Variants in P3H1 observed in about 807,000 individuals in gnomAD.
P3H1 encodes the protein prolyl 3-hydroxylase 1, also known as growth suppressor 1.
P3H1 carries 69 observed loss-of-function variants against 84.0 expected under a neutral mutation model. The ratio of observed to expected loss-of-function variants is 0.82; its 90% CI spans 0.68 to 1.00. P3H1 has a LOEUF of 1.00. P3H1 is among the 50% of genes least tolerant of loss of function. The pLI is 0.00. For synonymous variants in P3H1, 366 were observed against 388.8 expected (o/e 0.94, Z 0.69); for missense variants, 878 against 962.8 (o/e 0.91, Z 1.17).
chr1:42,759,736 T>C (rs1240011749), intron 2 of P3H1, among the ~76,000 whole-genome samples: 1 of 150,220 alleles, frequency 6.7e-6, no homozygotes, highest in Non-Finnish European at 1.5e-5. Flanking sequence ...TGGGATTACA[T>C]TGTGCCCAGC....
chr1:42,760,133 C>T (rs534799986), intron 2 of P3H1: 220 of 152,356 alleles, frequency 1.4e-3, no homozygotes, highest in East Asian at 5.0e-3. Context: ...TACAGGTATG[C>T]GCCACCACGC....
chr1:42,764,202 T>C (rs1411853211), intron 1 of P3H1, among the ~76,000 whole-genome samples: 6 of 151,844 alleles, frequency 4.0e-5, no homozygotes, highest in Non-Finnish European at 8.8e-5. Flanking sequence ...GGCAGGTGGA[T>C]CACAAGGTCA....
rs1259845189 is a variant in P3H1 at position 42,746,846 on chromosome 1, C to A, written c.2062G>T (p.Val688Leu). The A allele has an allele frequency of 6.2e-7, 1 of 1,613,912 alleles. No homozygotes were observed. Among genetic ancestry groups the A allele is most frequent in the South Asian group, 1.1e-5 (1 of 91,018 alleles). ...ATCTTCACCAGGTCATCTGCCTGCA[C>A]CCTGTCCTGCAAGGACAAACCCCTG... ...LDPRHSERDR[V>L]QADDLVKMLF... Residue 688 changes from valine (V) to leucine (L), a missense_variant, in exon 15 of 15, where the codon GTG becomes TTG. Coordinates refer to ENST00000296388, the MANE Select transcript of P3H1 (RefSeq NM_022356.4).
At chr1:42,751,064 G>A (rs1484824938) in intron 10 of P3H1, among the ~76,000 whole-genome samples, 2 of 129,146 alleles carry the variant, frequency 1.5e-5, no homozygotes, top group African/African-American at 3.0e-5. Context: ...CCGTCTGGGA[G>A]GTGTGCCCAG....
At chr1:42,748,809 A>T (rs2124085509) in intron 11 of P3H1, 1 of 255,310 alleles carries the variant, frequency 3.9e-6, no homozygotes, top group Non-Finnish European at 7.8e-6. Context: ...CCATGCAGGG[A>T]GAAGGTCACG....
chr1:42,762,526 C>A, intron 1 of P3H1, 51 bp from the exon 2 acceptor site: 2 of 1,596,794 alleles, frequency 1.3e-6, no homozygotes, highest in Non-Finnish European at 1.7e-6. Context: ...AATCTCTGAA[C>A]GTTTGTGTCC....
chr1:42,766,311 T>C (rs951253582), intron 1 of P3H1, among the ~76,000 whole-genome samples, 196 bp downstream of exon 1: 8 of 152,186 alleles, frequency 5.3e-5, no homozygotes, highest in African/African-American at 1.9e-4. Flanking sequence ...GGGGTTAGCA[T>C]CTGCCCATGC....
In P3H1 at chr1:42,746,768, G is replaced by A; in HGVS notation, c.2140C>T (p.Gln714Ter). The A allele has an allele frequency of 6.4e-7, 1 of 1,560,552 alleles. No homozygotes were observed. Among genetic ancestry groups the A allele is most frequent in the Non-Finnish European group, 8.7e-7 (1 of 1,152,066 alleles). The change falls in exon 15 of 15, where the codon CAG (glutamine) becomes TAG (stop). Residue 714 changes from glutamine (Q) to a stop codon, truncating the protein, a stop_gained. Transcript: ENST00000296388. LOFTEE classifies it low-confidence loss of function (END_TRUNC). ...DLSQEQPLDA[Q>*]QGPPEPAQES... ...TGTGCAGGTTCGGGGGGGCCCTGCTGGGCATCCAGGGGCTGCTCCTGGGAG... is the reference window on the plus strand; with the variant it reads ...TGTGCAGGTTCGGGGGGGCCCTGCTAGGCATCCAGGGGCTGCTCCTGGGAG...
intron 8 of P3H1, among the ~76,000 whole-genome samples, chr1:42,753,387 T>C (rs1267829256): frequency 1.3e-5 from 2 of 152,242 alleles, no homozygotes; most frequent in African/African-American, 4.8e-5. Context: ...CATTTCTCTC[T>C]TACAGTTCTC....
intron 1 of P3H1, among the ~76,000 whole-genome samples, chr1:42,766,021 C>A (rs60903408): frequency 0.2 from 28,013 of 140,814 alleles, 3,322 homozygotes; most frequent in Middle Eastern, 0.23. Flanking sequence ...CCCCCCGCCC[C>A]CACACACACA....
Position 42,754,808 on chromosome 1 carries a change from TGGG to T in P3H1, c.1345+58_1345+60del. On this transcript the variant is annotated intron_variant, in intron 8 of 14. Transcript: ENST00000296388. The surrounding 1 kb of genome is among the most constrained non-coding windows in gnomAD (Gnocchi z 4.0). ...GGGGTGGAGCGCTGCCTGGCAAATG[TGGG>T]GTGACCTGCCTGGCTCCCTGACAAC... 1.2e-6 allele frequency: 2 copies of T among 1,612,082 alleles called. No homozygotes were observed. Among genetic ancestry groups the T allele is most frequent in the Admixed American group, 3.3e-5 (2 of 59,986 alleles).
chr1:42,765,212 C>T (rs1652925190), intron 1 of P3H1, among the ~76,000 whole-genome samples: 1 of 152,214 alleles, frequency 6.6e-6, no homozygotes, highest in South Asian at 2.1e-4. Context: ...TTCCTGAATA[C>T]ATCATGCTTT....
intron 1 of P3H1, among the ~76,000 whole-genome samples, chr1:42,764,195 A>T (rs1652871801): frequency 6.6e-6 from 1 of 152,142 alleles, no homozygotes; most frequent in Non-Finnish European, 1.5e-5. Flanking sequence ...AGGCCGAGGC[A>T]GGTGGATCAC....
rs4660662 is a variant in P3H1, at chr1:42,746,760, G to T, written c.2148C>A (p.Gly716=). The T allele has an allele frequency of 1.9e-6, 3 of 1,556,266 alleles. No individual in the cohort carries two copies. Among genetic ancestry groups the T allele is most frequent in the African/African-American group, 1.4e-5 (1 of 73,208 alleles). ...SQEQPLDAQQ[G]PPEPAQESLS... ...GAGACTCTTGTGCAGGTTCGGGGGG[G>T]CCCTGCTGGGCATCCAGGGGCTGCT... is the stretch of plus-strand genomic sequence containing the variant. The change falls in exon 15 of 15, where the codon GGC becomes GGA. Residue 716 remains glycine, a synonymous_variant. Transcript: ENST00000296388.
Position 42,757,765 on chromosome 1 carries a change from C to A in P3H1, c.1080+18G>T. On this transcript the variant is annotated intron_variant, in intron 5 of 14. Coordinates refer to ENST00000296388, the MANE Select transcript of P3H1 (RefSeq NM_022356.4). ...TGAGTTCAGCTGGCAGCTGTCATAA[C>A]AGAAGGAAGTCTCTCACCTCACGGG... 1 of 1,614,218 alleles carries A rather than the reference C, an allele frequency of 6.2e-7. No individual in the cohort carries two copies. Among genetic ancestry groups the A allele is most frequent in the Non-Finnish European group, 8.5e-7 (1 of 1,180,030 alleles).
chr1:42,759,046 A>C (rs1652557680), intron 3 of P3H1, 63 bp from the exon 4 acceptor site: 1 of 1,605,274 alleles, frequency 6.2e-7, no homozygotes. Context: ...AATTCTGGTT[A>C]AGATGAACAA....
chr1:42,766,512 A>G lies in P3H1; in HGVS notation c.460T>C (p.Phe154Leu). 6.2e-7 allele frequency: 1 copy of G among 1,610,226 alleles called. No individual in the cohort carries two copies. The highest frequency in any genetic ancestry group is 8.5e-7 in the Non-Finnish European group (1 of 1,178,718). The change falls in exon 1 of 15, where the codon TTC (phenylalanine) becomes CTC (leucine). Residue 154 changes from phenylalanine (F) to leucine (L), a missense_variant. Physicochemically the swap from Phe to Leu is conservative, Grantham distance 22 (BLOSUM62 0). Coordinates refer to ENST00000296388, the MANE Select transcript of P3H1 (RefSeq NM_022356.4). The stretch of plus-strand genomic sequence containing the variant: ...GGTTCCAGGCAGGTCTGCACCTTGA[A>G]GTAGGCGACCTGCAGGTAGTTGTAG... ...SPYNYLQVAYFKINKLEKAVA... is the reference protein window; with the variant it reads ...SPYNYLQVAYLKINKLEKAVA...
rs766266670 is a variant in P3H1 at position 42,748,181 on chromosome 1, G to C, written c.1838+19C>G. The C allele has an allele frequency of 4.4e-6, 7 of 1,584,876 alleles. No individual in the cohort carries two copies. The Admixed American group carries it at 1.0e-4, about 23-fold the overall frequency. On this transcript the variant is annotated intron_variant, in intron 12 of 14. Transcript: ENST00000296388. Reference sequence around the variant, plus strand: ...AGGAGGGCACAGACCTCCTCACCCTGCACCTGCCCCGCACTCACCTGTAGT... The same window carrying C: ...AGGAGGGCACAGACCTCCTCACCCTCCACCTGCCCCGCACTCACCTGTAGT...
intron 10 of P3H1, among the ~76,000 whole-genome samples, chr1:42,750,560 C>T (rs955368342): frequency 4.6e-5 from 7 of 151,012 alleles, no homozygotes; most frequent in African/African-American, 9.8e-5. Flanking sequence ...AGTTTGCGTC[C>T]GGGAGGTGAG....
Sources: gnomAD v4.1 joint callset for allele counts (sites outside exome capture counted in the v4.1 genomes callset) on GRCh38, gnomAD v4.1.1 for gene constraint, Gnocchi (gnomAD v3.1) non-coding constraint, MANE v1.5 for transcripts, NCBI Gene and HGNC (gene_info 2026-07-23, HGNC 2026-07-21) for gene names.